The following LRP5 variants were observed in gnomAD, a reference collection of about 807,000 sequenced individuals.
LRP5 encodes low-density lipoprotein receptor-related protein 5.
Under a neutral mutation model 154.1 loss-of-function variants are expected in LRP5, and 62 were observed. That is an observed-to-expected ratio of 0.40 (90% CI 0.33 to 0.50). The LOEUF is 0.50. Among genes scored for constraint, LRP5 ranks in the 20% least tolerant of loss-of-function variants. The probability of loss-of-function intolerance (pLI) is 0.55; values close to 1 mark genes in which losing one functional copy is unlikely to be tolerated. For missense variants in LRP5, 1,915 were observed against 2,336.7 expected, an observed-to-expected ratio of 0.82 and a Z score of 3.72; for synonymous variants, 966 against 1,011.5, an observed-to-expected ratio of 0.96 and a Z score of 0.85.
chr11:68,436,225 G>T (rs1328547386), intron 18 of LRP5, among the ~76,000 whole-genome samples: 1 of 152,164 alleles, frequency 6.6e-6, no homozygotes, highest in African/African-American at 2.4e-5. Flanking sequence ...ACAAGGACAG[G>T]GTCCCCTTAT....
intron 2 of LRP5, among the ~76,000 whole-genome samples, chr11:68,350,974 G>T (rs2098617971): frequency 6.6e-6 from 1 of 152,184 alleles, no homozygotes; most frequent in Non-Finnish European, 1.5e-5. Context: ...ATGCATGCGT[G>T]TGAGTGGATA....
chr11:68,400,161 A>G (rs1415818059), intron 7 of LRP5, among the ~76,000 whole-genome samples: 1 of 152,104 alleles, frequency 6.6e-6, no homozygotes, highest in Non-Finnish European at 1.5e-5. Context: ...AGCCGGGTGG[A>G]ACAGCCCGTC....
intron 4 of LRP5, among the ~76,000 whole-genome samples, chr11:68,364,662 A>G (rs2098629948): frequency 6.6e-6 from 1 of 152,196 alleles, no homozygotes; most frequent in Admixed American, 6.5e-5. Flanking sequence ...CTCTGGGGAC[A>G]GTGGCCCACT....
intron 1 of LRP5, among the ~76,000 whole-genome samples, chr11:68,316,604 C>T (rs2098593546): frequency 6.6e-6 from 1 of 152,158 alleles, no homozygotes; most frequent in Non-Finnish European, 1.5e-5. Context: ...GAATAATATT[C>T]CATTGTGTGG....
intron 13 of LRP5, among the ~76,000 whole-genome samples, chr11:68,419,464 A>C (rs1262711049): frequency 6.7e-6 from 1 of 148,960 alleles, no homozygotes; most frequent in Non-Finnish European, 1.5e-5. Flanking sequence ...CAACTCCTGG[A>C]CTCAAGCCAT....
chr11:68,385,980 A>T (rs1265921513), intron 5 of LRP5, among the ~76,000 whole-genome samples: 1 of 152,124 alleles, frequency 6.6e-6, no homozygotes, highest in Non-Finnish European at 1.5e-5. Context: ...AGGGGCTGGC[A>T]GGAGACAAGG....
At position 68,386,218 on chromosome 11, in the gene LRP5, G is replaced by A. The variant is rs1591261174; in HGVS notation, c.1016-98G>A. On this transcript the variant is annotated intron_variant, in intron 5 of 22. Transcript: ENST00000294304. This position sits in a 1 kb window ranked among gnomAD's most constrained non-coding sequence, Gnocchi z 7.9. ...AGCCTTTGCAAGGAGAGCCCTGGGGGCCTGGCTGAGTATTTCCCTTGCCCG... is the reference window on the plus strand; with the variant it reads ...AGCCTTTGCAAGGAGAGCCCTGGGGACCTGGCTGAGTATTTCCCTTGCCCG... 2.7e-6 allele frequency: 4 copies of A among 1,467,396 alleles called. No homozygotes were observed. Among genetic ancestry groups the A allele is most frequent in the East Asian group, 4.5e-5 (2 of 43,962 alleles). 90.9% of individuals were successfully genotyped at this position (1,467,396 alleles called of 1,614,324 possible).
intron 1 of LRP5, among the ~76,000 whole-genome samples, chr11:68,326,203 G>C (rs1299004695): frequency 4.6e-5 from 7 of 152,206 alleles, no homozygotes; most frequent in Non-Finnish European, 7.3e-5. Context: ...GGTACCTTCG[G>C]GTGCGCCTCC....
chr11:68,305,516 C>G, the LRP5 span, among the ~76,000 whole-genome samples: 5 of 152,176 alleles, frequency 3.3e-5, no homozygotes, highest in African/African-American at 4.8e-5. Context: ...AATCTTGGCT[C>G]ACTACAACCT....
chr11:68,418,071 A>T (rs141574596), intron 13 of LRP5, among the ~76,000 whole-genome samples: 1 of 152,294 alleles, frequency 6.6e-6, no homozygotes, highest in African/African-American at 2.4e-5. Flanking sequence ...ATGGGGCACA[A>T]CAGGTTCATT....
the LRP5 span, among the ~76,000 whole-genome samples, chr11:68,306,999 A>G: frequency 6.6e-6 from 1 of 152,222 alleles, no homozygotes; most frequent in Non-Finnish European, 1.5e-5. Context: ...ATTAAGGTAT[A>G]TAGAGAAACC....
At chr11:68,421,721 TGTG>T (rs1306732617) in intron 13 of LRP5, among the ~76,000 whole-genome samples, 3 of 127,348 alleles carry the variant, frequency 2.4e-5, no homozygotes, top group South Asian at 2.4e-4. Context: ...TGTGTGTGTG[TGTG>T]GTGTGTGTGT....
At chr11:68,422,023 G>A (rs1025395818) in intron 13 of LRP5, among the ~76,000 whole-genome samples, 1 of 152,124 alleles carries the variant, frequency 6.6e-6, no homozygotes, top group African/African-American at 2.4e-5. Context: ...GGCCTCCCAG[G>A]CTGAAGCGAT....
chr11:68,372,509 C>CAGTGTCAGGCGG (rs1475621867), intron 5 of LRP5, among the ~76,000 whole-genome samples: 23 of 88,548 alleles, frequency 2.6e-4, no homozygotes, highest in East Asian at 7.3e-4. Context: ...GGACTTGGAG[C>CAGTGTCAGGCGG]ACCTAGTTCC....
chr11:68,309,835 T>C (rs1216408317), upstream of LRP5, among the ~76,000 whole-genome samples: 1 of 152,188 alleles, frequency 6.6e-6, no homozygotes, highest in African/African-American at 2.4e-5. Context: ...GCTACCATTG[T>C]ACCCACCTGC....
chr11:68,322,233 TC>T (rs1227071375), intron 1 of LRP5, among the ~76,000 whole-genome samples: 1 of 152,002 alleles, frequency 6.6e-6, no homozygotes, highest in Non-Finnish European at 1.5e-5. Context: ...CCCAGCTCTG[TC>T]CCCTGCCCTC....
At chr11:68,382,282 A>G (rs1351994595) in intron 5 of LRP5, among the ~76,000 whole-genome samples, 1 of 152,178 alleles carries the variant, frequency 6.6e-6, no homozygotes, top group African/African-American at 2.4e-5. Flanking sequence ...CTGCTGACCT[A>G]GTTACCAGAG....
In LRP5 at chr11:68,365,545, C is replaced by T. The variant is rs1359192658; in HGVS notation, c.884-26C>T. The T allele has an allele frequency of 6.8e-6, 11 of 1,613,532 alleles. No individual in the cohort carries two copies. In the Admixed American group the frequency reaches 1.8e-4, roughly 27 times the overall value. On this transcript the variant is annotated intron_variant, in intron 4 of 22. Coordinates refer to ENST00000294304, the MANE Select transcript of LRP5 (RefSeq NM_002335.4). ...AGTGACGGTCCTCTTCTGGAACCTTCTCTCACTCTGTCCTGGTTTTCTCAG... is the reference window on the plus strand; with the variant it reads ...AGTGACGGTCCTCTTCTGGAACCTTTTCTCACTCTGTCCTGGTTTTCTCAG...
Position 68,436,923 on chromosome 11 carries a change from C to T in LRP5, c.4035C>T (p.Ser1345=), listed in dbSNP as rs773741784. The T allele has an allele frequency of 8.1e-6, 13 of 1,613,838 alleles. No individual in the cohort carries two copies. The highest frequency in any genetic ancestry group is 1.6e-4 in the Middle Eastern group (1 of 6,062). Residue 1345 remains serine (S), a synonymous_variant, in exon 19 of 23, where the codon AGC becomes AGT. Coordinates refer to ENST00000294304, the MANE Select transcript of LRP5 (RefSeq NM_002335.4). ...ICLPNQFRCA[S]GQCVLIKQQC... ...TGCCCAACCAGTTCCGGTGTGCGAGCGGCCAGTGTGTCCTCATCAAACAGC... is the reference window on the plus strand; with the variant it reads ...TGCCCAACCAGTTCCGGTGTGCGAGTGGCCAGTGTGTCCTCATCAAACAGC...
Sources: allele counts gnomAD v4.1 joint callset (sites outside exome capture counted in the v4.1 genomes callset), GRCh38; gene constraint gnomAD v4.1.1; non-coding constraint Gnocchi (gnomAD v3.1); transcripts MANE v1.5; gene names NCBI Gene and HGNC (gene_info 2026-07-23, HGNC 2026-07-21).